Variants in UGGT2 observed in about 807,000 individuals in gnomAD.
UGGT2 encodes the protein UDP-glucose:glycoprotein glucosyltransferase 2.
In UGGT2, 180 loss-of-function variants were observed where a neutral mutation model predicts 192.1. That is an observed-to-expected ratio of 0.94 (90% CI 0.83 to 1.06). The LOEUF (loss-of-function observed/expected upper bound fraction) is 1.06. Ranked by LOEUF, UGGT2 falls within the 50% of genes least tolerant of loss-of-function variation. UGGT2 has a pLI of 0.00. For missense variants in UGGT2, 1,849 were observed against 1,795.7 expected, an observed-to-expected ratio of 1.03 and a Z score of -0.54; for synonymous variants, 580 against 591.0, an observed-to-expected ratio of 0.98 and a Z score of 0.27.
intron 25 of UGGT2, 54 bp downstream of exon 25, chr13:95,890,807 GA>G: frequency 7.2e-7 from 1 of 1,393,380 alleles, no homozygotes; most frequent in Non-Finnish European, 1.0e-6. Flanking sequence ...AAACAGACTT[GA>G]AAAAATTATG....
chr13:95,984,702 T>C (rs1481155968), intron 9 of UGGT2, among the ~76,000 whole-genome samples: 1 of 152,198 alleles, frequency 6.6e-6, no homozygotes, highest in African/African-American at 2.4e-5. Flanking sequence ...ACAGTTCCTA[T>C]GGACTGTATT....
At chr13:95,836,025 C>T (rs1245196731) in intron 37 of UGGT2, among the ~76,000 whole-genome samples, 1 of 152,106 alleles carries the variant, frequency 6.6e-6, no homozygotes, top group Non-Finnish European at 1.5e-5. Flanking sequence ...CAAACATTTT[C>T]AGCTAGCTCT....
chr13:95,823,322 T>A (rs369442799), intron 38 of UGGT2, among the ~76,000 whole-genome samples: 8 of 152,230 alleles, frequency 5.3e-5, no homozygotes, highest in African/African-American at 1.9e-4. Context: ...GTCCACTGTT[T>A]GTTGGCTTTC....
intron 29 of UGGT2, among the ~76,000 whole-genome samples, chr13:95,876,639 C>G (rs1355043263): frequency 6.6e-6 from 1 of 152,178 alleles, no homozygotes; most frequent in African/African-American, 2.4e-5. Context: ...TGTGCTGTAT[C>G]AGGTTGAGGA....
intron 20 of UGGT2, among the ~76,000 whole-genome samples, chr13:95,906,176 C>A (rs1215636805): frequency 6.6e-6 from 1 of 152,162 alleles, no homozygotes; most frequent in Non-Finnish European, 1.5e-5. Context: ...ATCTGCTTGA[C>A]AATTTCCACA....
intron 38 of UGGT2, among the ~76,000 whole-genome samples, chr13:95,812,143 C>G (rs934054319): frequency 6.6e-6 from 1 of 152,134 alleles, no homozygotes; most frequent in African/African-American, 2.4e-5. Context: ...ACTGCAAGCA[C>G]AAAATAGCCA....
intron 10 of UGGT2, among the ~76,000 whole-genome samples, chr13:95,976,536 C>T (rs2050942856): frequency 6.6e-6 from 1 of 152,098 alleles, no homozygotes; most frequent in Non-Finnish European, 1.5e-5. Context: ...TGTACATTCC[C>T]ACCAACAGTG....
At chr13:95,902,599 T>A (rs1156685671) in intron 21 of UGGT2, among the ~76,000 whole-genome samples, 7 of 151,960 alleles carry the variant, frequency 4.6e-5, no homozygotes, top group Admixed American at 4.6e-4. Flanking sequence ...TTCACTTAAG[T>A]ACATATCCTA....
At chr13:95,855,990 G>A (rs1889572853) in intron 34 of UGGT2, among the ~76,000 whole-genome samples, 168 bp downstream of exon 34, 1 of 151,958 alleles carries the variant, frequency 6.6e-6, no homozygotes, top group Non-Finnish European at 1.5e-5. Context: ...ATTTTCCCCT[G>A]GAATTCTGAC....
intron 38 of UGGT2, among the ~76,000 whole-genome samples, chr13:95,812,115 C>T (rs549940236): frequency 4.3e-4 from 65 of 152,108 alleles, no homozygotes; most frequent in African/African-American, 1.5e-3. Context: ...TAATCTCCAC[C>T]AAAACTATGC....
intron 10 of UGGT2, among the ~76,000 whole-genome samples, chr13:95,974,995 C>T (rs566022977): frequency 6.6e-6 from 1 of 152,070 alleles, no homozygotes; most frequent in Non-Finnish European, 1.5e-5. Context: ...GCAAGAGAAT[C>T]GCTTCATCCC....
chr13:95,927,510 T>C lies in UGGT2; in HGVS notation c.1978-174A>G, dbSNP rs1228821280. On this transcript the variant is annotated intron_variant, in intron 17 of 38. Coordinates refer to ENST00000376747, the MANE Select transcript of UGGT2 (RefSeq NM_020121.4). ...TTTTATTCTTCAGTTTGGTAAACAT[T>C]TAATGAGCTCTGTCTCAGGTGTTGG... 3.3e-5 allele frequency among the ~76,000 whole-genome samples: 5 copies of C among 151,670 alleles called. No homozygotes were observed. The South Asian group carries it at 6.3e-4, about 19-fold the overall frequency.
At position 96,029,065 on chromosome 13, in the gene UGGT2, G is replaced by A. The variant is rs117437397; in HGVS notation, c.241+2824C>T. ...ACTTCAGAGGCTTAGGTGGGAGAAT[G>A]GTGTGAACCCAGGAGGCGGAGCTGG... is the stretch of plus-strand genomic sequence containing the variant. On this transcript the variant is annotated intron_variant, in intron 2 of 38. Coordinates refer to ENST00000376747, the MANE Select transcript of UGGT2 (RefSeq NM_020121.4). Among the ~76,000 whole-genome samples the A allele has an allele frequency of 1.2e-4, 18 of 152,096 alleles. No homozygotes were observed. The East Asian group carries it at 2.9e-3, about 25-fold the overall frequency.
At chr13:95,980,094 A>C (rs2051068835) in intron 10 of UGGT2, among the ~76,000 whole-genome samples, 1 of 152,218 alleles carries the variant, frequency 6.6e-6, no homozygotes, top group Admixed American at 6.5e-5. Context: ...GGAGATTCGT[A>C]AAAGCAGATC....
At chr13:95,846,621 T>C (rs958837503) in intron 36 of UGGT2, among the ~76,000 whole-genome samples, 1 of 152,194 alleles carries the variant, frequency 6.6e-6, no homozygotes, top group African/African-American at 2.4e-5. Flanking sequence ...TTCTCTTCAA[T>C]TTTCTGGAAG....
At chr13:95,831,917 A>G (rs1383171429) in intron 38 of UGGT2, among the ~76,000 whole-genome samples, 1 of 151,612 alleles carries the variant, frequency 6.6e-6, no homozygotes, top group East Asian at 1.9e-4. Flanking sequence ...GTCATATCAT[A>G]CCACTTACAG....
At chr13:95,865,053 C>G (rs953108483) in intron 30 of UGGT2, among the ~76,000 whole-genome samples, 1 of 152,168 alleles carries the variant, frequency 6.6e-6, no homozygotes, top group African/African-American at 2.4e-5. Context: ...TGTTGTCATT[C>G]TATTGCAGTG....
intron 7 of UGGT2, 177 bp downstream of exon 7, chr13:95,995,886 A>G: frequency 3.4e-6 from 2 of 588,854 alleles, no homozygotes; most frequent in Non-Finnish European, 3.0e-6. Context: ...TGCTTTCTGT[A>G]GCTTTTTGAC....
intron 38 of UGGT2, among the ~76,000 whole-genome samples, chr13:95,817,827 T>C (rs1014858312): frequency 6.6e-6 from 1 of 152,046 alleles, no homozygotes; most frequent in African/African-American, 2.4e-5. Flanking sequence ...ATGACATTCA[T>C]TGCCCATCAT....
Sources: allele counts gnomAD v4.1 joint callset (sites outside exome capture counted in the v4.1 genomes callset), GRCh38; gene constraint gnomAD v4.1.1; transcripts MANE v1.5; gene names NCBI Gene and HGNC (gene_info 2026-07-23, HGNC 2026-07-21).